GFOD1: variants seen among roughly 807,000 people sequenced by gnomAD.
GFOD1 encodes the protein glucose-fructose oxidoreductase domain-containing protein 1.
Under a neutral mutation model 25.4 loss-of-function variants are expected in GFOD1, and 9 were observed. That is an observed-to-expected ratio of 0.35 (90% confidence interval 0.21 to 0.62). The LOEUF (loss-of-function observed/expected upper bound fraction) is 0.62. Among genes scored for constraint, GFOD1 ranks in the 20% least tolerant of loss-of-function variants. The pLI, the probability that GFOD1 is intolerant of heterozygous loss-of-function variation, is 0.72. For missense variants in GFOD1, 403 were observed against 556.9 expected (o/e 0.72, Z 2.78); for synonymous variants, 253 against 245.6 (o/e 1.03, Z -0.28).
chr6:13,368,156 C>T (rs1584606508), intron 1 of GFOD1, among the ~76,000 whole-genome samples: 1 of 152,172 alleles, frequency 6.6e-6, no homozygotes, highest in African/African-American at 2.4e-5. Flanking sequence ...TAGAACTGGT[C>T]GGTACAGATT....
At chr6:13,417,728 T>C (rs1401471502) in intron 1 of GFOD1, among the ~76,000 whole-genome samples, 1 of 152,216 alleles carries the variant, frequency 6.6e-6, no homozygotes, top group Non-Finnish European at 1.5e-5. Context: ...GAATGGCTTC[T>C]CGTAAGTGCA....
At chr6:13,398,295 T>TG (rs200324070) in intron 1 of GFOD1, among the ~76,000 whole-genome samples, 5,805 of 102,580 alleles carry the variant, frequency 0.057, 167 homozygotes, top group Non-Finnish European at 0.11. Context: ...ACACCTAACT[T>TG]GGATCTGTTA....
chr6:13,372,625 CTG>C (rs949311766), intron 1 of GFOD1, among the ~76,000 whole-genome samples: 3 of 152,182 alleles, frequency 2.0e-5, no homozygotes, highest in Non-Finnish European at 4.4e-5. Context: ...AGATGGAGCT[CTG>C]TTGTCCCACA....
intron 1 of GFOD1, among the ~76,000 whole-genome samples, chr6:13,425,034 T>C (rs1265577569): frequency 6.0e-5 from 9 of 150,602 alleles, no homozygotes; most frequent in African/African-American, 1.5e-4. Context: ...TCTAGGCTCA[T>C]TGCAGCCTTG....
intron 1 of GFOD1, among the ~76,000 whole-genome samples, chr6:13,482,425 T>C (rs1224150664): frequency 2.0e-5 from 3 of 152,050 alleles, no homozygotes; most frequent in Non-Finnish European, 4.4e-5. Context: ...ATGAATGGCA[T>C]GCTACCAACT....
intron 1 of GFOD1, among the ~76,000 whole-genome samples, chr6:13,410,007 T>G (rs1489140541): frequency 1.4e-5 from 2 of 145,284 alleles, no homozygotes; most frequent in Admixed American, 6.7e-5. Context: ...GATTTTTAGT[T>G]TTTTTTTTTT....
intron 1 of GFOD1, among the ~76,000 whole-genome samples, chr6:13,373,361 A>G (rs1007823273): frequency 6.6e-6 from 1 of 152,202 alleles, no homozygotes; most frequent in African/African-American, 2.4e-5. Context: ...GTCTAAAATA[A>G]GATTAATGGT....
intron 1 of GFOD1, among the ~76,000 whole-genome samples, chr6:13,433,864 G>T (rs1311437737): frequency 6.6e-6 from 1 of 152,150 alleles, no homozygotes; most frequent in Non-Finnish European, 1.5e-5. Context: ...TCCCATTAAG[G>T]CTCCCTCAGC....
intron 1 of GFOD1, among the ~76,000 whole-genome samples, chr6:13,392,542 G>A (rs11759881): frequency 0.038 from 5,810 of 151,978 alleles, 144 homozygotes; most frequent in Non-Finnish European, 0.051. Flanking sequence ...GCAAGTTTTT[G>A]TATCACTACA....
At chr6:13,425,117 C>T (rs1332497859) in intron 1 of GFOD1, among the ~76,000 whole-genome samples, 1 of 151,974 alleles carries the variant, frequency 6.6e-6, no homozygotes, top group Non-Finnish European at 1.5e-5. Context: ...TGCCACAATA[C>T]TGGGCTAATT....
In GFOD1 at chr6:13,365,708, C is replaced by T. The variant is rs115061528; in HGVS notation, c.254-46G>A. 29,454 of 1,311,008 alleles carry T rather than the reference C, an allele frequency of 0.022. 433 individuals are homozygous for T. Among genetic ancestry groups the T allele is most frequent in the Non-Finnish European group, 0.026 (24,316 of 929,334 alleles). 81.2% of individuals were successfully genotyped at this position (1,311,008 alleles called of 1,614,324 possible). A position where few individuals can be genotyped will look rare whatever the true frequency, so the allele number is the denominator to read the frequency against. ...GCGGTCAGCGGGGCAGGACCATGTC[C>T]GAGCGCGCGTCCCTGGGTCAGATCT... On this transcript the variant is annotated intron_variant, in intron 1 of 1. Coordinates refer to ENST00000379287, the MANE Select transcript of GFOD1 (RefSeq NM_018988.4). The surrounding 1 kb of genome is among the most constrained non-coding windows in gnomAD (Gnocchi z 9.2).
intron 1 of GFOD1, among the ~76,000 whole-genome samples, chr6:13,423,433 G>T (rs1309235115): frequency 6.6e-6 from 1 of 152,106 alleles, no homozygotes; most frequent in African/African-American, 2.4e-5. Flanking sequence ...CCCCAGCATT[G>T]AGGCCAGATT....
chr6:13,456,203 A>G (rs1358520191), intron 1 of GFOD1, among the ~76,000 whole-genome samples: 1 of 152,004 alleles, frequency 6.6e-6, no homozygotes, highest in East Asian at 1.9e-4. Context: ...TGGCTCTGTC[A>G]CCCTCTCTCA....
chr6:13,419,209 G>A (rs1028861703), intron 1 of GFOD1, among the ~76,000 whole-genome samples: 1 of 152,182 alleles, frequency 6.6e-6, no homozygotes, highest in Non-Finnish European at 1.5e-5. Context: ...CTTCCAAAAC[G>A]AGATGGAGGC....
intron 1 of GFOD1, among the ~76,000 whole-genome samples, chr6:13,427,260 C>T (rs759918139): frequency 4.6e-4 from 70 of 152,252 alleles, no homozygotes; most frequent in Non-Finnish European, 8.4e-4. Context: ...GTAGAGACTT[C>T]CAGAAAAATC....
Position 13,362,169 on chromosome 6 carries a change from A to G in GFOD1, c.*2574T>C, listed in dbSNP as rs923509102. 2.0e-4 allele frequency: 31 copies of G among 152,306 alleles called. No individual in the cohort carries two copies. The highest frequency in any genetic ancestry group is 6.7e-4 in the African/African-American group (28 of 41,566). The allele number at this position is 152,306 out of a possible 1,614,324, so 9.4% of individuals were successfully genotyped here. A position where few individuals can be genotyped will look rare whatever the true frequency, so the allele number is the denominator to read the frequency against. On this transcript the variant is annotated 3_prime_UTR_variant, in exon 2 of 2. Transcript: ENST00000379287. Reference sequence around the variant, plus strand: ...CTACTTTCCCAGGGAGCAATTTAGAAGAACCAGAATCAGCTGGGTGTGGTG... The same window carrying G: ...CTACTTTCCCAGGGAGCAATTTAGAGGAACCAGAATCAGCTGGGTGTGGTG...
At chr6:13,421,000 T>G (rs991109233) in intron 1 of GFOD1, among the ~76,000 whole-genome samples, 2 of 152,208 alleles carry the variant, frequency 1.3e-5, no homozygotes, top group Admixed American at 6.5e-5. Context: ...ACCACCTAAA[T>G]GTCTAAAAAT....
chr6:13,397,358 C>T (rs1562205344), intron 1 of GFOD1, among the ~76,000 whole-genome samples: 1 of 152,206 alleles, frequency 6.6e-6, no homozygotes, highest in Non-Finnish European at 1.5e-5. Context: ...AATGTGAAGC[C>T]ACCCTCGAAA....
Position 13,439,340 on chromosome 6 carries a change from G to A in GFOD1, c.253+47298C>T, listed in dbSNP as rs139490898. 3.9e-3 allele frequency among the ~76,000 whole-genome samples: 601 copies of A among 152,166 alleles called. 4 individuals are homozygous for A. Among genetic ancestry groups the A allele is most frequent in the African/African-American group, 0.014 (571 of 41,432 alleles). On this transcript the variant is annotated intron_variant, in intron 1 of 1. Coordinates refer to ENST00000379287, the MANE Select transcript of GFOD1 (RefSeq NM_018988.4). ...TTGTCAGAAGAGGCTCTGATGCTCA[G>A]CCATTTCCCTCAATGCTTCTCTGCA...
Sources: allele counts gnomAD v4.1 joint callset (sites outside exome capture counted in the v4.1 genomes callset), GRCh38; gene constraint gnomAD v4.1.1; non-coding constraint Gnocchi (gnomAD v3.1); transcripts MANE v1.5; gene names NCBI Gene and HGNC (gene_info 2026-07-23, HGNC 2026-07-21).